Variants in ITGA6 observed in about 807,000 individuals in gnomAD.
ITGA6 encodes integrin subunit alpha 6.
A neutral mutation model predicts 133.6 loss-of-function variants in ITGA6; 63 were observed. That is an observed-to-expected ratio of 0.47 (90% CI 0.38 to 0.58). ITGA6 has a LOEUF of 0.58. Ranked by LOEUF, ITGA6 falls within the 20% of genes least tolerant of loss-of-function variation. The probability of loss-of-function intolerance (pLI) is 0.00; values close to 1 mark genes in which losing one functional copy is unlikely to be tolerated. For missense variants in ITGA6, 1,068 were observed against 1,309.4 expected, an observed-to-expected ratio of 0.82 and a Z score of 2.85; for synonymous variants, 434 against 482.0, an observed-to-expected ratio of 0.90 and a Z score of 1.30.
intron 4 of ITGA6, 92 bp downstream of exon 4, chr2:172,469,472 C>A: frequency 1.8e-6 from 2 of 1,122,796 alleles, no homozygotes; most frequent in East Asian, 2.5e-5. Context: ...TGTTAGAAGA[C>A]ATTCGTATAT....
intron 1 of ITGA6, among the ~76,000 whole-genome samples, chr2:172,430,519 T>G (rs534714342): frequency 6.6e-6 from 1 of 152,350 alleles, no homozygotes; most frequent in East Asian, 1.9e-4. Flanking sequence ...AAATATCAGA[T>G]GCATGGGACG....
Position 172,504,342 on chromosome 2 carries a change from C to A in ITGA6, c.*274C>A. On this transcript the variant is annotated 3_prime_UTR_variant, in exon 26 of 26. Transcript: ENST00000684293. ...TTGGATTTAAAAGCCTGCTCAATCC[C>A]TGAGGACTGATTTCAGAGTGACTAC... 2.1e-6 allele frequency: 2 copies of A among 967,200 alleles called. No homozygotes were observed. The highest frequency in any genetic ancestry group is 1.8e-5 in the South Asian group (1 of 56,334). 59.9% of individuals were successfully genotyped at this position (967,200 alleles called of 1,614,324 possible).
intron 13 of ITGA6, 27 bp from the exon 14 acceptor site, chr2:172,486,996 T>C (rs748626986): frequency 2.0e-5 from 26 of 1,283,352 alleles, no homozygotes; most frequent in African/African-American, 5.9e-5. Flanking sequence ...ATGGTGTAAA[T>C]TGACAATAGT....
chr2:172,470,284 A>G (rs1458744016), intron 4 of ITGA6, among the ~76,000 whole-genome samples: 1 of 152,194 alleles, frequency 6.6e-6, no homozygotes, highest in Admixed American at 6.5e-5. Context: ...CTTCATGTAC[A>G]GTATTTCCCA....
chr2:172,442,602 C>CT (rs961396850), intron 1 of ITGA6, among the ~76,000 whole-genome samples: 10 of 152,226 alleles, frequency 6.6e-5, no homozygotes, highest in Admixed American at 2.0e-4. Flanking sequence ...GAAAGCTTAT[C>CT]TACCTTTTCA....
Position 172,489,665 on chromosome 2 carries a change from C to CA in ITGA6, c.2679+7_2679+8insA. ...AAACTCCCTGAACCTAACGGTATGT[C>CA]GGTAGATTTATCTAATGTCTCCATA... is the stretch of plus-strand genomic sequence containing the variant. On this transcript the variant is annotated splice_region_variant and intron_variant, in intron 20 of 25. Transcript: ENST00000684293. 6.2e-7 allele frequency: 1 copy of CA among 1,610,564 alleles called. No individual in the cohort carries two copies. The highest frequency in any genetic ancestry group is 8.5e-7 in the Non-Finnish European group (1 of 1,177,022).
At chr2:172,468,969 G>GAT in intron 3 of ITGA6, 156 bp from the exon 4 acceptor site, 2 of 751,824 alleles carry the variant, frequency 2.7e-6, no homozygotes, top group African/African-American at 3.5e-5. Flanking sequence ...CCACTTTGGG[G>GAT]AATATTTGCT....
At chr2:172,472,404 T>G (rs1002517830) in intron 5 of ITGA6, among the ~76,000 whole-genome samples, 1 of 152,226 alleles carries the variant, frequency 6.6e-6, no homozygotes, top group African/African-American at 2.4e-5. Context: ...ACTTTGGTCT[T>G]TAAGATGGAT....
chr2:172,447,393 C>T (rs990899394), intron 1 of ITGA6, among the ~76,000 whole-genome samples: 9 of 151,804 alleles, frequency 5.9e-5, no homozygotes, highest in African/African-American at 1.9e-4. Context: ...TTAGTAGAGA[C>T]GAGGTTTTAC....
At chr2:172,496,990 ATATACCTTTTT>A (rs992064656) in intron 23 of ITGA6, among the ~76,000 whole-genome samples, 3 of 152,206 alleles carry the variant, frequency 2.0e-5, no homozygotes, top group African/African-American at 7.2e-5. Flanking sequence ...TAGTTTGTTC[ATATACCTTTTT>A]GTAGAAGATG....
Position 172,427,597 on chromosome 2 carries a change from T to A in ITGA6, c.-192T>A. ...AGTCTCCAGAGAACAACGGGCTCAT[T>A]CAGCGGTCGCGAGCTGCCCGCGAGG... On this transcript the variant is annotated 5_prime_UTR_variant, in exon 1 of 26. Transcript: ENST00000684293. 1 of 1,268,402 alleles carries A rather than the reference T, an allele frequency of 7.9e-7. No individual in the cohort carries two copies. Among genetic ancestry groups the A allele is most frequent in the African/African-American group, 1.6e-5 (1 of 63,688 alleles). The allele number at this position is 1,268,402 out of a possible 1,614,324, so 78.6% of individuals were successfully genotyped here. A position where few individuals can be genotyped will look rare whatever the true frequency, so the allele number is the denominator to read the frequency against.
chr2:172,465,268 T>C, intron 1 of ITGA6: 1 of 527,030 alleles, frequency 1.9e-6, no homozygotes, highest in South Asian at 2.0e-5. Context: ...CACCAGATCA[T>C]ACCCAGCAAG....
chr2:172,446,630 T>G (rs1425224503), intron 1 of ITGA6, among the ~76,000 whole-genome samples: 1 of 152,250 alleles, frequency 6.6e-6, no homozygotes, highest in African/African-American at 2.4e-5. Context: ...CACTAGAGAT[T>G]GGACTCCAAA....
At chr2:172,451,456 C>G (rs141613301) in intron 1 of ITGA6, among the ~76,000 whole-genome samples, 2 of 137,790 alleles carry the variant, frequency 1.5e-5, no homozygotes, top group African/African-American at 3.0e-5. Flanking sequence ...CAGAGCGAGA[C>G]TATCTTAAAA....
In ITGA6 at chr2:172,450,091, G is replaced by A. The variant is rs115387072; in HGVS notation, c.183-15448G>A. 2.9e-3 allele frequency among the ~76,000 whole-genome samples: 438 copies of A among 152,278 alleles called. 2 individuals are homozygous for A. Among genetic ancestry groups the A allele is most frequent in the African/African-American group, 0.01 (422 of 41,550 alleles). On this transcript the variant is annotated intron_variant, in intron 1 of 25. Transcript: ENST00000684293. ...GCTGCTATGTTCAAAGGACAGAAACGGAGTCAGTGTGGCAGGAGTGCACAC... is the reference window on the plus strand; with the variant it reads ...GCTGCTATGTTCAAAGGACAGAAACAGAGTCAGTGTGGCAGGAGTGCACAC...
intron 1 of ITGA6, among the ~76,000 whole-genome samples, chr2:172,450,881 ATATT>A (rs1292405164): frequency 1.4e-5 from 2 of 147,186 alleles, no homozygotes; most frequent in African/African-American, 2.5e-5. Flanking sequence ...ATATATTTAT[ATATT>A]TATATACAAA....
At chr2:172,446,456 A>G (rs1384772624) in intron 1 of ITGA6, among the ~76,000 whole-genome samples, 2 of 152,222 alleles carry the variant, frequency 1.3e-5, no homozygotes, top group Non-Finnish European at 2.9e-5. Context: ...AGAATTTAAA[A>G]TTATTAAAAG....
intron 1 of ITGA6, among the ~76,000 whole-genome samples, chr2:172,438,663 G>T (rs76837457): frequency 0.078 from 11,850 of 151,788 alleles, 655 homozygotes; most frequent in East Asian, 0.26. Flanking sequence ...CAGAGTGCCC[G>T]GCATATCCAA....
chr2:172,504,619 G>C lies in ITGA6; in HGVS notation c.*551G>C, dbSNP rs950571721. On this transcript the variant is annotated 3_prime_UTR_variant, in exon 26 of 26. Transcript: ENST00000684293. ...GCACCTACACTCACCTGCACTAACA[G>C]AGTGGCCGTCCTAACCTCGGGCCTG... The C allele has an allele frequency of 3.6e-5, 6 of 166,044 alleles. No individual in the cohort carries two copies. The highest frequency in any genetic ancestry group is 6.5e-5 in the Non-Finnish European group (5 of 76,658). 10.3% of individuals were successfully genotyped at this position (166,044 alleles called of 1,614,324 possible). A position where few individuals can be genotyped will look rare whatever the true frequency, so the allele number is the denominator to read the frequency against.
Sources: gnomAD v4.1 joint callset for allele counts (sites outside exome capture counted in the v4.1 genomes callset) on GRCh38, gnomAD v4.1.1 for gene constraint, MANE v1.5 for transcripts, NCBI Gene and HGNC (gene_info 2026-07-23, HGNC 2026-07-21) for gene names.